Variants in ARSL observed in about 807,000 individuals in gnomAD.
The protein encoded by ARSL is arylsulfatase E (chondrodysplasia punctata 1).
ARSL carries 4 observed loss-of-function variants against 31.1 expected under a neutral mutation model. The ratio of observed to expected loss-of-function variants is 0.13; its 90% CI spans 0.06 to 0.29. ARSL has a LOEUF of 0.29. Among genes scored for constraint, ARSL ranks in the 10% least tolerant of loss-of-function variants. The pLI, the probability that ARSL is intolerant of heterozygous loss-of-function variation, is 1.00. For synonymous variants in ARSL, 198 were observed against 209.9 expected (o/e 0.94, Z 0.49); for missense variants, 312 against 497.8 (o/e 0.63, Z 3.55).
intron 7 of ARSL, among the ~76,000 whole-genome samples, chrX:2,944,255 A>G (rs967125926): frequency 8.2e-5 from 9 of 109,266 alleles, no homozygotes; most frequent in Non-Finnish European, 1.7e-4. Flanking sequence ...GCAGTTCGAG[A>G]CCAGCCTGGC....
At chrX:2,939,360 C>T (rs1432176866) in intron 8 of ARSL, among the ~76,000 whole-genome samples, 1 of 112,203 alleles carries the variant, frequency 8.9e-6, no homozygotes, top group East Asian at 2.8e-4. Context: ...ACACGTTGAT[C>T]TCAAACTCCT....
chrX:2,935,691 T>C (rs1569097679), intron 10 of ARSL, among the ~76,000 whole-genome samples: 1 of 49,897 alleles, frequency 2.0e-5, no homozygotes, highest in African/African-American at 5.1e-5. Context: ...TCTTTTCTTT[T>C]CTTTTTTTTT....
At chrX:2,942,231 C>T (rs1236893393) in intron 8 of ARSL, among the ~76,000 whole-genome samples, 1 of 111,929 alleles carries the variant, frequency 8.9e-6, no homozygotes, top group Non-Finnish European at 1.9e-5. Flanking sequence ...TAGCAGGAGA[C>T]AAGGTAAGGG....
At chrX:2,963,698 G>A (rs1448520316) in intron 1 of ARSL, among the ~76,000 whole-genome samples, 2 of 105,747 alleles carry the variant, frequency 1.9e-5, no homozygotes, top group Non-Finnish European at 3.9e-5. Context: ...ATGCCACTAT[G>A]CCTGGCTATT....
intron 2 of ARSL, 126 bp downstream of exon 2, chrX:2,960,252 G>GC (rs2089601163): frequency 3.4e-6 from 1 of 298,091 alleles, no homozygotes; most frequent in African/African-American, 4.6e-5. Flanking sequence ...CTGGGCGACA[G>GC]AGTGAGACTC....
chrX:2,948,097 G>T (rs888985359), intron 6 of ARSL, among the ~76,000 whole-genome samples: 1 of 112,269 alleles, frequency 8.9e-6, no homozygotes, highest in African/African-American at 3.2e-5. Context: ...GTCCGGCCTG[G>T]GCCATAGCTC....
intron 8 of ARSL, among the ~76,000 whole-genome samples, chrX:2,942,568 A>G (rs1973410232): frequency 8.9e-6 from 1 of 112,036 alleles, no homozygotes; most frequent in African/African-American, 3.2e-5. Flanking sequence ...CTGGGATTAC[A>G]GGCATGAACC....
intron 10 of ARSL, among the ~76,000 whole-genome samples, chrX:2,936,447 T>C (rs1285677729): frequency 1.8e-5 from 2 of 111,657 alleles, no homozygotes; most frequent in African/African-American, 6.5e-5. Context: ...CTTCATATAG[T>C]GCAGGGAAGA....
At chrX:2,940,970 C>T (rs993105650) in intron 8 of ARSL, among the ~76,000 whole-genome samples, 1 of 111,079 alleles carries the variant, frequency 9.0e-6, no homozygotes. Flanking sequence ...ATAAATTTTA[C>T]GAATGAAAAT....
chrX:2,964,182 C>T (rs1043888865), intron 1 of ARSL, 42 bp downstream of exon 1: 2 of 752,262 alleles, frequency 2.7e-6, no homozygotes, highest in South Asian at 6.8e-5. Flanking sequence ...TGCCTGGTCA[C>T]GGAGCCCAAA....
intron 5 of ARSL, among the ~76,000 whole-genome samples, chrX:2,951,433 C>T (rs1028340973): frequency 6.4e-5 from 7 of 109,629 alleles, no homozygotes; most frequent in African/African-American, 2.3e-4. Context: ...TGGAAAACCT[C>T]ATGATTTCCC....
intron 3 of ARSL, among the ~76,000 whole-genome samples, chrX:2,956,803 G>T (rs938623870): frequency 1.8e-5 from 2 of 110,178 alleles, no homozygotes; most frequent in Non-Finnish European, 3.8e-5. Context: ...AGAGTGCAGT[G>T]GTCTGATCAC....
rs1222271205 is a variant in ARSL at position 2,934,620 on chromosome X, C to T, written c.*212G>A. 2 of 399,114 alleles carry T rather than the reference C, an allele frequency of 5.0e-6. No homozygotes were observed. Among genetic ancestry groups the T allele is most frequent in the Non-Finnish European group, 8.7e-6 (2 of 228,799 alleles). The allele number at this position is 399,114 out of a possible 1,213,427, so 32.9% of individuals were successfully genotyped here. ...CCTCCTGAGAAGCTAGAACTACAGG[C>T]GTGTGCCACCATGCAGGCTAATTTT... On this transcript the variant is annotated 3_prime_UTR_variant, in exon 11 of 11. Coordinates refer to ENST00000381134, the MANE Select transcript of ARSL (RefSeq NM_000047.3).
intron 7 of ARSL, 134 bp from the exon 8 acceptor site, chrX:2,943,333 C>G: frequency 2.5e-6 from 2 of 810,064 alleles, no homozygotes; most frequent in Non-Finnish European, 3.5e-6. Context: ...TGGAAGTCAG[C>G]TGTTGGATAA....
intron 8 of ARSL, among the ~76,000 whole-genome samples, chrX:2,942,771 G>A (rs2089298060): frequency 9.0e-6 from 1 of 111,285 alleles, no homozygotes; most frequent in African/African-American, 3.3e-5. Flanking sequence ...TTTTGAGTTG[G>A]TCTGGCAACA....
At chrX:2,964,576 C>T (rs1170778402), upstream of ARSL, 2 of 479,296 alleles carry the variant, frequency 4.2e-6, no homozygotes, top group African/African-American at 5.3e-5. Context: ...CTTGGCCTCC[C>T]GAAGTGCTGG....
intron 2 of ARSL, chrX:2,959,872 A>G (rs2089580492): frequency 5.5e-6 from 2 of 365,248 alleles, no homozygotes. Context: ...CTTGAGCAAC[A>G]TGGTGAGACC....
upstream of ARSL, chrX:2,968,231 A>G: frequency 1.4e-5 from 15 of 1,107,895 alleles, no homozygotes; most frequent in Non-Finnish European, 1.8e-5. Flanking sequence ...CTTCCTGCCA[A>G]AACAGACACG....
intron 1 of ARSL, among the ~76,000 whole-genome samples, chrX:2,961,950 G>C (rs1390756417): frequency 9.4e-6 from 1 of 105,858 alleles, no homozygotes; most frequent in African/African-American, 3.5e-5. Flanking sequence ...GCGCGATCTT[G>C]GCTCACTGCA....
Sources: allele counts gnomAD v4.1 joint callset (sites outside exome capture counted in the v4.1 genomes callset), GRCh38; gene constraint gnomAD v4.1.1; transcripts MANE v1.5; gene names NCBI Gene and HGNC (gene_info 2026-07-23, HGNC 2026-07-21).